LCORL: variants seen among roughly 807,000 people sequenced by gnomAD.
LCORL encodes the protein ligand-dependent nuclear receptor corepressor-like protein.
A neutral mutation model predicts 141.8 loss-of-function variants in LCORL; 41 were observed. That is an observed-to-expected ratio of 0.29 (90% CI 0.23 to 0.38). The LOEUF (loss-of-function observed/expected upper bound fraction) is 0.38, where lower values mean the gene tolerates loss of function less well. Ranked by LOEUF, LCORL falls within the 10% of genes least tolerant of loss-of-function variation. The pLI is 1.00. For synonymous variants in LCORL, 618 were observed against 694.1 expected, an observed-to-expected ratio of 0.89 and a Z score of 1.72; for missense variants, 1,759 against 2,035.0, an observed-to-expected ratio of 0.86 and a Z score of 2.61.
chr4:17,935,222 C>T (rs2109441261), intron 4 of LCORL, among the ~76,000 whole-genome samples: 1 of 152,210 alleles, frequency 6.6e-6, no homozygotes, highest in Non-Finnish European at 1.5e-5. Context: ...ATCCAATTTT[C>T]AGAAAACTAT....
intron 7 of LCORL, among the ~76,000 whole-genome samples, chr4:17,855,932 C>A (rs556078372): frequency 6.6e-6 from 1 of 152,294 alleles, no homozygotes; most frequent in Non-Finnish European, 1.5e-5. Flanking sequence ...TGGATCCTCA[C>A]CATGATGCTT....
At chr4:17,857,390 C>G (rs957634648) in intron 7 of LCORL, among the ~76,000 whole-genome samples, 5 of 152,104 alleles carry the variant, frequency 3.3e-5, no homozygotes, top group African/African-American at 1.2e-4. Flanking sequence ...ATGAAAAGAA[C>G]CAGGTAATAA....
intron 7 of LCORL, among the ~76,000 whole-genome samples, chr4:17,852,089 G>C (rs746532526): frequency 6.6e-6 from 1 of 151,954 alleles, no homozygotes; most frequent in African/African-American, 2.4e-5. Flanking sequence ...TCTTATGGTG[G>C]TTTTCTCAGG....
chr4:17,873,059 A>T (rs1206582396), intron 7 of LCORL, among the ~76,000 whole-genome samples: 1 of 152,108 alleles, frequency 6.6e-6, no homozygotes, highest in East Asian at 1.9e-4. Context: ...TTATCTGTCA[A>T]ACTGCTTACT....
At chr4:17,992,383 GGA>G (rs1483448501) in intron 1 of LCORL, among the ~76,000 whole-genome samples, 1 of 152,040 alleles carries the variant, frequency 6.6e-6, no homozygotes, top group African/African-American at 2.4e-5. Flanking sequence ...TAACACGTGG[GGA>G]TTACAATTCA....
At chr4:17,874,112 TCTC>T (rs78581007) in exon 7 of LCORL, 327,155 of 1,233,354 alleles carry the variant, frequency 0.27, 44,694 homozygotes, top group East Asian at 0.48. Context: ...ATCTTAAGTT[TCTC>T]CTTTTAGAGT....
chr4:17,919,258 A>G (rs1733934301), intron 4 of LCORL, among the ~76,000 whole-genome samples: 1 of 152,180 alleles, frequency 6.6e-6, no homozygotes, highest in African/African-American at 2.4e-5. Context: ...TTCATAACCA[A>G]AAATTTACCC....
At chr4:17,855,436 G>A (rs931550920) in intron 7 of LCORL, among the ~76,000 whole-genome samples, 5 of 152,096 alleles carry the variant, frequency 3.3e-5, no homozygotes, top group Non-Finnish European at 5.9e-5. Flanking sequence ...ATAACGTTCC[G>A]AAACCCTGTT....
chr4:17,965,429 A>G (rs1462697514), intron 2 of LCORL, among the ~76,000 whole-genome samples: 1 of 152,164 alleles, frequency 6.6e-6, no homozygotes, highest in Non-Finnish European at 1.5e-5. Flanking sequence ...AACAACGAAT[A>G]AGATACTCAT....
intron 1 of LCORL, among the ~76,000 whole-genome samples, chr4:17,975,461 T>A (rs940654487): frequency 1.3e-5 from 2 of 152,048 alleles, no homozygotes; most frequent in African/African-American, 4.8e-5. Context: ...AGTGGCGTGA[T>A]CTCGGCTCAT....
chr4:17,918,333 C>T (rs2109361833), intron 4 of LCORL, among the ~76,000 whole-genome samples: 1 of 151,958 alleles, frequency 6.6e-6, no homozygotes, highest in East Asian at 1.9e-4. Context: ...TAAAAACGTA[C>T]CACACATGGG....
intron 5 of LCORL, among the ~76,000 whole-genome samples, chr4:17,891,951 T>C (rs1482546685): frequency 6.6e-6 from 1 of 152,126 alleles, no homozygotes; most frequent in African/African-American, 2.4e-5. Flanking sequence ...CAAGTTTCCA[T>C]AATAAAAAAA....
chr4:17,869,594 C>G (rs551087306), intron 7 of LCORL, among the ~76,000 whole-genome samples: 1 of 152,234 alleles, frequency 6.6e-6, no homozygotes, highest in East Asian at 1.9e-4. Flanking sequence ...TACATCCTTC[C>G]TTTTTCCTAA....
chr4:18,007,978 A>T (rs932125649), intron 1 of LCORL, among the ~76,000 whole-genome samples: 9 of 152,164 alleles, frequency 5.9e-5, no homozygotes, highest in African/African-American at 2.2e-4. Flanking sequence ...AAAATACAGG[A>T]TTTTACCAAG....
chr4:17,894,601 T>C (rs1379348024), intron 5 of LCORL, among the ~76,000 whole-genome samples: 1 of 152,222 alleles, frequency 6.6e-6, no homozygotes, highest in Non-Finnish European at 1.5e-5. Flanking sequence ...ATCTCTTTAA[T>C]GTCCAGCTTA....
Position 17,989,892 on chromosome 4 carries a change from T to G in LCORL, c.155-17007A>C, listed in dbSNP as rs370644622. The stretch of plus-strand genomic sequence containing the variant: ...GAAAATCTGCTTCCAACTTCATTCT[T>G]GTTAGCACAATTCAGTTTGGTGTGG... On this transcript the variant is annotated intron_variant, in intron 1 of 7. Coordinates refer to ENST00000635767, the Ensembl canonical transcript of LCORL. 7.2e-5 allele frequency among the ~76,000 whole-genome samples: 11 copies of G among 152,254 alleles called. No individual in the cohort carries two copies. The East Asian group carries it at 1.5e-3, about 21-fold the overall frequency.
chr4:17,995,251 A>G (rs2109796285), intron 1 of LCORL, among the ~76,000 whole-genome samples: 1 of 143,684 alleles, frequency 7.0e-6, no homozygotes, highest in South Asian at 2.2e-4. Context: ...TTTTTTAGGC[A>G]TATGTCAGAT....
At chr4:17,967,524 T>G (rs1715148893) in intron 2 of LCORL, among the ~76,000 whole-genome samples, 1 of 152,194 alleles carries the variant, frequency 6.6e-6, no homozygotes, top group South Asian at 2.1e-4. Flanking sequence ...CTCAATTTTT[T>G]CTGTAAATTT....
chr4:17,851,275 T>G (rs573901689), intron 7 of LCORL, among the ~76,000 whole-genome samples: 3 of 151,924 alleles, frequency 2.0e-5, no homozygotes, highest in African/African-American at 7.2e-5. Context: ...ACTTAAAGTA[T>G]AATAATAAAA....
Sources: allele counts gnomAD v4.1 joint callset (sites outside exome capture counted in the v4.1 genomes callset), GRCh38; gene constraint gnomAD v4.1.1; transcripts MANE v1.5; gene names NCBI Gene and HGNC (gene_info 2026-07-23, HGNC 2026-07-21).